E2F5: variants seen among roughly 807,000 people sequenced by gnomAD.
E2F5 encodes the protein transcription factor E2F5.
Under a neutral mutation model 39.1 loss-of-function variants are expected in E2F5, and 23 were observed. The ratio of observed to expected loss-of-function variants is 0.59; its 90% CI spans 0.42 to 0.83. The LOEUF is 0.83. E2F5 is among the 40% of genes least tolerant of loss of function. The pLI is 0.00. For synonymous variants in E2F5, 145 were observed against 157.8 expected (o/e 0.92, Z 0.61); for missense variants, 365 against 406.7 (o/e 0.90, Z 0.88).
At chr8:85,180,471 G>T (rs1812179984) in intron 1 of E2F5, among the ~76,000 whole-genome samples, 1 of 130,878 alleles carries the variant, frequency 7.6e-6, no homozygotes, top group Admixed American at 8.4e-5. Flanking sequence ...AAACTTTTAA[G>T]TTATACACTT....
At chr8:85,187,225 A>G (rs1812361497) in intron 1 of E2F5, among the ~76,000 whole-genome samples, 1 of 152,116 alleles carries the variant, frequency 6.6e-6, no homozygotes, top group Non-Finnish European at 1.5e-5. Flanking sequence ...TTTTGGCCTC[A>G]TATATAATCT....
At chr8:85,204,309 A>G (rs1377674802) in intron 3 of E2F5, among the ~76,000 whole-genome samples, 1 of 152,126 alleles carries the variant, frequency 6.6e-6, no homozygotes, top group Admixed American at 6.5e-5. Flanking sequence ...TGACATCTCC[A>G]TAAACCTTTC....
chr8:85,201,922 T>G, intron 1 of E2F5: 1 of 533,536 alleles, frequency 1.9e-6, no homozygotes, highest in African/African-American at 2.0e-5. Context: ...GTCATGACCT[T>G]AATTTCTTTT....
At chr8:85,185,967 T>G (rs1293824678) in intron 1 of E2F5, among the ~76,000 whole-genome samples, 1 of 152,234 alleles carries the variant, frequency 6.6e-6, no homozygotes. Context: ...CTCAAGGATC[T>G]AGAACTAGAA....
chr8:85,194,994 G>T (rs1812551213), intron 1 of E2F5, among the ~76,000 whole-genome samples: 1 of 152,006 alleles, frequency 6.6e-6, no homozygotes, highest in Non-Finnish European at 1.5e-5. Context: ...AGGAATTTGA[G>T]GCTAAGTAGC....
chr8:85,198,171 T>G (rs1250082267), intron 1 of E2F5, among the ~76,000 whole-genome samples: 1 of 152,188 alleles, frequency 6.6e-6, no homozygotes, highest in Admixed American at 6.5e-5. Context: ...TAATATGCCC[T>G]GTTATTATCT....
In E2F5 at chr8:85,198,946, G is replaced by C. The variant is rs188466056; in HGVS notation, c.235-3201G>C. 7.8e-4 allele frequency among the ~76,000 whole-genome samples: 118 copies of C among 152,222 alleles called. 2 individuals carry two copies. In the South Asian group the frequency reaches 9.7e-3, roughly 13 times the overall value. On this transcript the variant is annotated intron_variant, in intron 1 of 7. Transcript: ENST00000416274. Reference sequence around the variant, plus strand: ...GTGCTCCAAACTGGTTCCTTCTGTAGTATACCTTATTTGTAATTGCTCTTA... The same window carrying C: ...GTGCTCCAAACTGGTTCCTTCTGTACTATACCTTATTTGTAATTGCTCTTA...
At chr8:85,212,428 T>G in intron 7 of E2F5, 1 of 468,910 alleles carries the variant, frequency 2.1e-6, no homozygotes. Context: ...GGGATACTTC[T>G]CACCTTCATT....
intron 2 of E2F5, among the ~76,000 whole-genome samples, chr8:85,202,563 C>T (rs1812718573): frequency 6.6e-6 from 1 of 152,198 alleles, no homozygotes; most frequent in South Asian, 2.1e-4. Flanking sequence ...TCCTTGAGAG[C>T]AAGAACTACT....
intron 7 of E2F5, 140 bp downstream of exon 7, chr8:85,212,344 C>T (rs1812951241): frequency 1.6e-6 from 1 of 634,488 alleles, no homozygotes. Context: ...TCCCTTAACA[C>T]TTACAGTAAG....
chr8:85,207,249 A>G (rs182968801), intron 4 of E2F5, among the ~76,000 whole-genome samples, 176 bp from the exon 5 acceptor site: 9 of 152,282 alleles, frequency 5.9e-5, no homozygotes, highest in Admixed American at 1.3e-4. Flanking sequence ...TTAATCCTCA[A>G]AATAAATCTA....
chr8:85,201,558 A>G (rs997610329), intron 1 of E2F5, among the ~76,000 whole-genome samples: 6 of 152,318 alleles, frequency 3.9e-5, no homozygotes, highest in Middle Eastern at 3.4e-3. Flanking sequence ...TGCTAGTGCA[A>G]TCTTGAGCTA....
At chr8:85,194,857 A>ATTC (rs1281942020) in intron 1 of E2F5, among the ~76,000 whole-genome samples, 2 of 151,208 alleles carry the variant, frequency 1.3e-5, no homozygotes, top group Middle Eastern at 3.4e-3. Flanking sequence ...TATTATTATT[A>ATTC]TTTTAATTTT....
At chr8:85,185,464 T>G (rs1213850585) in intron 1 of E2F5, among the ~76,000 whole-genome samples, 2 of 152,122 alleles carry the variant, frequency 1.3e-5, no homozygotes, top group Non-Finnish European at 2.9e-5. Flanking sequence ...CAAAGACTTC[T>G]TGTCTAAAAC....
intron 6 of E2F5, among the ~76,000 whole-genome samples, chr8:85,210,739 G>A (rs1812899594): frequency 6.6e-6 from 1 of 151,896 alleles, no homozygotes; most frequent in African/African-American, 2.4e-5. Flanking sequence ...ATATAAAGCA[G>A]GCAAGCTTTA....
At chr8:85,196,110 G>A (rs941466015) in intron 1 of E2F5, among the ~76,000 whole-genome samples, 1 of 152,152 alleles carries the variant, frequency 6.6e-6, no homozygotes, top group African/African-American at 2.4e-5. Flanking sequence ...TTTAAGGAGA[G>A]ATTTCCTTGT....
chr8:85,180,702 C>G (rs1236202168), intron 1 of E2F5, among the ~76,000 whole-genome samples: 1 of 148,886 alleles, frequency 6.7e-6, no homozygotes, highest in Admixed American at 6.7e-5. Context: ...CTCAGCCTCC[C>G]GAGTAGCTGG....
At chr8:85,202,989 C>CA in intron 2 of E2F5, 105 bp from the exon 3 acceptor site, 1 of 850,902 alleles carries the variant, frequency 1.2e-6, no homozygotes, top group Non-Finnish European at 1.6e-6. Context: ...GTAAAGACTT[C>CA]TGTCTTGAAT....
intron 1 of E2F5, among the ~76,000 whole-genome samples, chr8:85,183,470 A>G (rs1812264934): frequency 1.3e-5 from 2 of 152,242 alleles, no homozygotes; most frequent in Admixed American, 1.3e-4. Flanking sequence ...TAACAGTGGC[A>G]TTCATAATAG....
Sources: allele counts gnomAD v4.1 joint callset (sites outside exome capture counted in the v4.1 genomes callset), GRCh38; gene constraint gnomAD v4.1.1; transcripts MANE v1.5; gene names NCBI Gene and HGNC (gene_info 2026-07-23, HGNC 2026-07-21).